Variants in CLSTN2 observed in about 807,000 individuals in gnomAD.
The protein encoded by CLSTN2 is calsyntenin 2.
A neutral mutation model predicts 101.2 loss-of-function variants in CLSTN2; 48 were observed. The ratio of observed to expected loss-of-function variants is 0.47; its 90% CI spans 0.38 to 0.60. CLSTN2 has a LOEUF of 0.60. Among genes scored for constraint, CLSTN2 ranks in the 20% least tolerant of loss-of-function variants. CLSTN2 has a pLI of 0.00. For missense variants in CLSTN2, 1,160 were observed against 1,238.2 expected, an observed-to-expected ratio of 0.94 and a Z score of 0.95; for synonymous variants, 481 against 463.6, an observed-to-expected ratio of 1.04 and a Z score of -0.48.
At chr3:140,446,304 G>T (rs938469115) in intron 5 of CLSTN2, among the ~76,000 whole-genome samples, 9 of 152,144 alleles carry the variant, frequency 5.9e-5, no homozygotes, top group African/African-American at 2.2e-4. Flanking sequence ...TAACATAGAA[G>T]TAGGGATATT....
At chr3:140,274,646 G>C (rs79836231) in intron 2 of CLSTN2, among the ~76,000 whole-genome samples, 4,604 of 152,212 alleles carry the variant, frequency 0.03, 142 homozygotes, top group African/African-American at 0.072. Context: ...CCCAGCATTA[G>C]TGTAAGTAGC....
intron 8 of CLSTN2, chr3:140,508,118 T>C: frequency 6.6e-6 from 1 of 152,222 alleles, no homozygotes; most frequent in Non-Finnish European, 1.5e-5. Flanking sequence ...GCTAGAGTCT[T>C]ATGGGGACTC....
At chr3:140,389,533 T>C (rs952244516) in intron 2 of CLSTN2, among the ~76,000 whole-genome samples, 2 of 152,268 alleles carry the variant, frequency 1.3e-5, no homozygotes, top group African/African-American at 2.4e-5. Flanking sequence ...CAGTCTATCA[T>C]TGATGGGGAT....
At chr3:140,555,899 G>C (rs1935781810) in intron 10 of CLSTN2, among the ~76,000 whole-genome samples, 1 of 146,390 alleles carries the variant, frequency 6.8e-6, no homozygotes. Context: ...GGATGAAATG[G>C]ATAGATAACA....
At position 140,174,666 on chromosome 3, in the gene CLSTN2, C is replaced by T. The variant is rs112269563; in HGVS notation, c.110-1285C>T. Among the ~76,000 whole-genome samples the T allele has an allele frequency of 3.3e-3, 506 of 152,238 alleles. 2 individuals are homozygous for T. The highest frequency in any genetic ancestry group is 0.012 in the African/African-American group (486 of 41,558). On this transcript the variant is annotated intron_variant, in intron 1 of 16. Coordinates refer to ENST00000458420, the MANE Select transcript of CLSTN2 (RefSeq NM_022131.3). ...GCAGGCAAAGAGAGAATGAGGAAGC[C>T]GTAAAAGCGGAAACCCCTGAGAAAA... is the stretch of plus-strand genomic sequence containing the variant.
At chr3:140,160,351 A>G (rs2010025891) in intron 1 of CLSTN2, among the ~76,000 whole-genome samples, 1 of 152,152 alleles carries the variant, frequency 6.6e-6, no homozygotes, top group South Asian at 2.1e-4. Context: ...AATTGCATTT[A>G]TCATGCTTAT....
intron 10 of CLSTN2, among the ~76,000 whole-genome samples, chr3:140,552,127 A>G (rs1461475036): frequency 6.6e-6 from 1 of 152,130 alleles, no homozygotes; most frequent in East Asian, 1.9e-4. Flanking sequence ...GACTTCCCTG[A>G]TGGTCCAGCC....
intron 4 of CLSTN2, among the ~76,000 whole-genome samples, chr3:140,414,469 G>A (rs1173575118): frequency 1.3e-5 from 2 of 152,018 alleles, no homozygotes; most frequent in Admixed American, 6.6e-5. Flanking sequence ...CTCAGGAATT[G>A]AAAGCCAAAT....
intron 11 of CLSTN2, chr3:140,556,966 G>A (rs530116195): frequency 1.6e-5 from 5 of 306,436 alleles, no homozygotes; most frequent in East Asian, 6.9e-5. Flanking sequence ...CTGGGTGTGC[G>A]TTTGAAGTGT....
chr3:140,037,690 C>A (rs553879160), intron 1 of CLSTN2, among the ~76,000 whole-genome samples: 1 of 152,084 alleles, frequency 6.6e-6, no homozygotes, highest in African/African-American at 2.4e-5. Context: ...CTTCCTGATG[C>A]TCTCCCTACC....
At chr3:140,099,963 G>A (rs182525552) in intron 1 of CLSTN2, among the ~76,000 whole-genome samples, 80 of 152,258 alleles carry the variant, frequency 5.3e-4, no homozygotes, top group Admixed American at 5.2e-3. Flanking sequence ...GGGTAATCAG[G>A]TGTTGCAGGG....
chr3:140,130,807 GT>G (rs1192468311), intron 1 of CLSTN2, among the ~76,000 whole-genome samples: 1 of 152,102 alleles, frequency 6.6e-6, no homozygotes, highest in African/African-American at 2.4e-5. Context: ...TTGCGTCTTT[GT>G]TTTCTAGAAG....
intron 2 of CLSTN2, among the ~76,000 whole-genome samples, chr3:140,335,062 C>G (rs1576520380): frequency 6.6e-6 from 1 of 152,300 alleles, no homozygotes; most frequent in East Asian, 1.9e-4. Context: ...GATCCTTACC[C>G]TGGCCAGACA....
chr3:140,094,425 C>T (rs1418735909), intron 1 of CLSTN2, among the ~76,000 whole-genome samples: 1 of 152,132 alleles, frequency 6.6e-6, no homozygotes, highest in Non-Finnish European at 1.5e-5. Flanking sequence ...TCTCCATGCC[C>T]TTTGAAAAAT....
chr3:139,945,182 G>C (rs1935197022), intron 1 of CLSTN2, among the ~76,000 whole-genome samples: 1 of 152,172 alleles, frequency 6.6e-6, no homozygotes, highest in Admixed American at 6.5e-5. Flanking sequence ...AGTCTGACTA[G>C]AAAACCACTG....
intron 1 of CLSTN2, among the ~76,000 whole-genome samples, chr3:140,082,250 T>C (rs2008610388): frequency 6.6e-6 from 1 of 152,232 alleles, no homozygotes. Flanking sequence ...CTGGGGGCTC[T>C]TCTCCTGTGG....
intron 2 of CLSTN2, among the ~76,000 whole-genome samples, chr3:140,384,196 C>T (rs970190636): frequency 1.3e-5 from 2 of 152,166 alleles, no homozygotes; most frequent in Admixed American, 6.5e-5. Context: ...TGCATGTCCC[C>T]GAACTGGGAA....
At position 140,101,250 on chromosome 3, in the gene CLSTN2, T is replaced by C. The variant is rs534417385; in HGVS notation, c.110-74701T>C. Among the ~76,000 whole-genome samples the C allele has an allele frequency of 2.0e-5, 3 of 152,354 alleles. No homozygotes were observed. The South Asian group carries it at 6.2e-4, about 32-fold the overall frequency. On this transcript the variant is annotated intron_variant, in intron 1 of 16. Coordinates refer to ENST00000458420, the MANE Select transcript of CLSTN2 (RefSeq NM_022131.3). ...TCTACTCCTTTTCCCTACCCTCCAG[T>C]GGACTGCATAGTTTCATGCTGGCCA...
intron 2 of CLSTN2, among the ~76,000 whole-genome samples, chr3:140,397,810 T>C (rs1251747779): frequency 6.6e-6 from 1 of 152,222 alleles, no homozygotes; most frequent in Non-Finnish European, 1.5e-5. Flanking sequence ...CATAAAAGTT[T>C]CTTGTGCTTT....
Sources: gnomAD v4.1 joint callset for allele counts (sites outside exome capture counted in the v4.1 genomes callset) on GRCh38, gnomAD v4.1.1 for gene constraint, MANE v1.5 for transcripts, NCBI Gene and HGNC (gene_info 2026-07-23, HGNC 2026-07-21) for gene names.